The following GAS2 variants were observed in gnomAD, a reference collection of about 807,000 sequenced individuals.
GAS2 encodes growth arrest-specific protein 2.
In GAS2, 20 loss-of-function variants were observed where a neutral mutation model predicts 37.5. The observed-to-expected ratio is 0.53, with a 90% CI of 0.37 to 0.77. The LOEUF is 0.77. GAS2 is among the 30% of genes least tolerant of loss of function. The probability of loss-of-function intolerance (pLI) is 0.00; values close to 1 mark genes in which losing one functional copy is unlikely to be tolerated. For missense variants in GAS2, 336 were observed against 373.4 expected (o/e 0.90, Z 0.82); for synonymous variants, 144 against 132.2 (o/e 1.09, Z -0.61).
At chr11:22,688,531 A>G (rs935712219) in intron 3 of GAS2, 1 of 152,156 alleles carries the variant, frequency 6.6e-6, no homozygotes, top group Non-Finnish European at 1.5e-5. Context: ...GATAATATGG[A>G]ATATTGAGAA....
chr11:22,793,288 A>T (rs373086046), intron 7 of GAS2, among the ~76,000 whole-genome samples: 24 of 152,248 alleles, frequency 1.6e-4, no homozygotes, highest in East Asian at 3.9e-4. Flanking sequence ...AAAAATAAAT[A>T]AATTAAAAAT....
rs1852226072 is a variant in GAS2 at position 22,726,506 on chromosome 11, A to C, written c.409+73A>C. Reference sequence around the variant, plus strand: ...TTTTGTCTTTGTCAGTATAGCCATCAAAAAGTTTTTTGTATGATGTCATTT... The same window carrying C: ...TTTTGTCTTTGTCAGTATAGCCATCCAAAAGTTTTTTGTATGATGTCATTT... On this transcript the variant is annotated intron_variant, in intron 4 of 7. Transcript: ENST00000454584. The C allele has an allele frequency of 4.3e-6, 6 of 1,391,748 alleles. No homozygotes were observed. The East Asian group carries it at 1.2e-4, about 27-fold the overall frequency. 86.2% of individuals were successfully genotyped at this position (1,391,748 alleles called of 1,614,324 possible).
intron 3 of GAS2, among the ~76,000 whole-genome samples, chr11:22,687,552 A>T (rs1247779433): frequency 6.6e-6 from 1 of 152,208 alleles, no homozygotes; most frequent in South Asian, 2.1e-4. Context: ...TAAGTGACCA[A>T]GCAAGAATTT....
At chr11:22,671,883 C>A (rs1450209252) in intron 1 of GAS2, among the ~76,000 whole-genome samples, 1 of 152,072 alleles carries the variant, frequency 6.6e-6, no homozygotes, top group Non-Finnish European at 1.5e-5. Flanking sequence ...ATCCATTTTT[C>A]ATGTTTCGTA....
chr11:22,742,824 A>C (rs1853160573), intron 5 of GAS2, among the ~76,000 whole-genome samples: 1 of 152,126 alleles, frequency 6.6e-6, no homozygotes, highest in Non-Finnish European at 1.5e-5. Flanking sequence ...TTTAAAAATT[A>C]TGCAATCTAT....
chr11:22,728,346 C>A (rs992549164), intron 4 of GAS2, among the ~76,000 whole-genome samples: 9 of 151,644 alleles, frequency 5.9e-5, no homozygotes, highest in Non-Finnish European at 1.2e-4. Flanking sequence ...TTTAAAAGCC[C>A]CATCCAAATA....
chr11:22,792,684 C>T (rs905901672), intron 7 of GAS2, among the ~76,000 whole-genome samples: 4 of 152,180 alleles, frequency 2.6e-5, no homozygotes, highest in Non-Finnish European at 2.9e-5. Flanking sequence ...ATCCTCCCTA[C>T]GGAGACCTCT....
At chr11:22,683,413 G>A (rs1849791627) in intron 2 of GAS2, among the ~76,000 whole-genome samples, 1 of 152,078 alleles carries the variant, frequency 6.6e-6, no homozygotes, top group South Asian at 2.1e-4. Context: ...TTACAGGCAT[G>A]TGCCACAATA....
chr11:22,658,449 C>T (rs1383363424), intron 1 of GAS2, among the ~76,000 whole-genome samples: 1 of 152,052 alleles, frequency 6.6e-6, no homozygotes, highest in East Asian at 1.9e-4. Context: ...GGACTAAAAC[C>T]CTGATTTTCA....
intron 3 of GAS2, among the ~76,000 whole-genome samples, chr11:22,707,232 A>C (rs1001041194): frequency 2.6e-5 from 4 of 151,804 alleles, no homozygotes; most frequent in African/African-American, 9.7e-5. Flanking sequence ...ACGGAAGAGT[A>C]GGATTGGGGA....
chr11:22,646,737 T>G (rs76327370), intron 1 of GAS2, among the ~76,000 whole-genome samples: 1 of 152,180 alleles, frequency 6.6e-6, no homozygotes, highest in African/African-American at 2.4e-5. Flanking sequence ...AAAACCTACT[T>G]CATACACCAT....
rs996309598 is a variant in GAS2, at chr11:22,637,708, A to G, written c.-21+11895A>G. ...ATCAATAATAATATAATATAAATATATAATCATGTATTTATAGTAATAATA... is the reference window on the plus strand; with the variant it reads ...ATCAATAATAATATAATATAAATATGTAATCATGTATTTATAGTAATAATA... On this transcript the variant is annotated intron_variant, in intron 1 of 5. Transcript: ENST00000528582. 3.5e-5 allele frequency among the ~76,000 whole-genome samples: 5 copies of G among 141,340 alleles called. No homozygotes were observed. The South Asian group carries it at 8.4e-4, about 24-fold the overall frequency. The allele number at this position is 141,340 out of a possible 152,430, so 92.7% of individuals were successfully genotyped here. A position where few individuals can be genotyped will look rare whatever the true frequency, so the allele number is the denominator to read the frequency against.
chr11:22,709,514 A>G (rs994562421), intron 3 of GAS2, among the ~76,000 whole-genome samples: 6 of 152,176 alleles, frequency 3.9e-5, no homozygotes, highest in Non-Finnish European at 8.8e-5. Context: ...TTCAGTTCGA[A>G]AGGTTAATTA....
intron 1 of GAS2, among the ~76,000 whole-genome samples, chr11:22,655,643 G>A (rs1175192684): frequency 6.6e-6 from 1 of 152,174 alleles, no homozygotes; most frequent in African/African-American, 2.4e-5. Context: ...GAAGACATCT[G>A]TATAGTTCCT....
chr11:22,784,349 T>C (rs1855722963), intron 7 of GAS2, among the ~76,000 whole-genome samples: 1 of 152,122 alleles, frequency 6.6e-6, no homozygotes, highest in African/African-American at 2.4e-5. Flanking sequence ...AAGCTTTGGA[T>C]TGATGATAGT....
rs141457503 is a variant in GAS2, at chr11:22,774,464, C to T, written c.723+18511C>T. ...TTCTTAAAGTGAAGGGCTTTCTAAACAAGACCTATGTTTCATGAAAATGTG... is the reference window on the plus strand; with the variant it reads ...TTCTTAAAGTGAAGGGCTTTCTAAATAAGACCTATGTTTCATGAAAATGTG... On this transcript the variant is annotated intron_variant, in intron 7 of 7. Transcript: ENST00000454584. Among the ~76,000 whole-genome samples, 403 of 152,322 alleles carry T rather than the reference C, an allele frequency of 2.6e-3. 2 individuals carry two copies. The highest frequency in any genetic ancestry group is 9.1e-3 in the African/African-American group (380 of 41,578).
intron 1 of GAS2, chr11:22,668,021 A>G (rs1047002037): frequency 6.6e-6 from 1 of 152,222 alleles, no homozygotes; most frequent in Non-Finnish European, 1.5e-5. Context: ...CACCCATTTG[A>G]CATCCTAGTA....
At chr11:22,799,020 C>T (rs774719710) in intron 7 of GAS2, among the ~76,000 whole-genome samples, 2 of 152,042 alleles carry the variant, frequency 1.3e-5, no homozygotes, top group African/African-American at 2.4e-5. Context: ...TATTTTCTCT[C>T]GAGTTATGAT....
chr11:22,704,114 T>C (rs957844655), intron 3 of GAS2, among the ~76,000 whole-genome samples: 6 of 152,092 alleles, frequency 3.9e-5, no homozygotes, highest in African/African-American at 9.7e-5. Context: ...AGAAAGTCTT[T>C]TGAGACTCTG....
Sources: allele counts gnomAD v4.1 joint callset (sites outside exome capture counted in the v4.1 genomes callset), GRCh38; gene constraint gnomAD v4.1.1; transcripts MANE v1.5; gene names NCBI Gene and HGNC (gene_info 2026-07-23, HGNC 2026-07-21).